TBCK: variants seen among roughly 807,000 people sequenced by gnomAD.
TBCK encodes TBC1 domain containing kinase.
In TBCK, 99 loss-of-function variants were observed where a neutral mutation model predicts 113.4. The ratio of observed to expected loss-of-function variants is 0.87; its 90% confidence interval spans 0.74 to 1.03. The LOEUF (loss-of-function observed/expected upper bound fraction) is 1.03. Ranked by LOEUF, TBCK falls within the 50% of genes least tolerant of loss-of-function variation. The pLI is 0.00. For missense variants in TBCK, 1,045 were observed against 1,061.3 expected, an observed-to-expected ratio of 0.98 and a Z score of 0.21; for synonymous variants, 369 against 370.8, an observed-to-expected ratio of 1.00 and a Z score of 0.05.
intron 3 of TBCK, among the ~76,000 whole-genome samples, chr4:106,289,496 C>T (rs1449791729): frequency 1.3e-5 from 2 of 152,018 alleles, no homozygotes; most frequent in African/African-American, 2.4e-5. Flanking sequence ...ATCAGCCAGG[C>T]GCGGTGGCTC....
rs191306421 is a variant in TBCK, at chr4:106,049,361, A to C, written c.2572-2681T>G. Among the ~76,000 whole-genome samples the C allele has an allele frequency of 3.4e-4, 51 of 152,150 alleles. No homozygotes were observed. The East Asian group carries it at 9.7e-3, about 29-fold the overall frequency. ...AATAAGCCGAGTTTCTGAATTTAAC[A>C]GGGGCTGGGGAGCTGGTTTCTTTCT... On this transcript the variant is annotated intron_variant, in intron 25 of 25. Coordinates refer to ENST00000394708, the MANE Select transcript of TBCK (RefSeq NM_001163435.3).
chr4:106,073,589 C>A (rs1737781398), intron 25 of TBCK, among the ~76,000 whole-genome samples: 1 of 152,160 alleles, frequency 6.6e-6, no homozygotes, highest in Non-Finnish European at 1.5e-5. Context: ...CCACTTGAGG[C>A]AGTTTTTCCA....
intron 24 of TBCK, among the ~76,000 whole-genome samples, chr4:106,114,888 A>G (rs1743309498): frequency 6.6e-6 from 1 of 152,210 alleles, no homozygotes; most frequent in Non-Finnish European, 1.5e-5. Context: ...ATAGAATTTA[A>G]TGCCTCATTC....
At chr4:106,311,471 T>C (rs1417777382) in intron 1 of TBCK, among the ~76,000 whole-genome samples, 1 of 152,052 alleles carries the variant, frequency 6.6e-6, no homozygotes, top group Non-Finnish European at 1.5e-5. Flanking sequence ...TATTCCAGTT[T>C]TCATAAAACT....
intron 19 of TBCK, among the ~76,000 whole-genome samples, chr4:106,217,649 TC>T (rs1757125159): frequency 6.7e-6 from 1 of 150,122 alleles, no homozygotes; most frequent in Non-Finnish European, 1.5e-5. Flanking sequence ...TACCTAGGAA[TC>T]CAACTTACAA....
At chr4:106,283,216 A>G (rs534472869) in intron 3 of TBCK, among the ~76,000 whole-genome samples, 1 of 152,268 alleles carries the variant, frequency 6.6e-6, no homozygotes, top group East Asian at 1.9e-4. Flanking sequence ...CATTTGCCAC[A>G]TATTTACTAA....
intron 24 of TBCK, among the ~76,000 whole-genome samples, 164 bp from the exon 25 acceptor site, chr4:106,095,805 A>T (rs1033262025): frequency 3.3e-5 from 5 of 150,710 alleles, no homozygotes; most frequent in African/African-American, 7.3e-5. Context: ...GAAAAAAAAA[A>T]GTTAAATTTG....
At chr4:106,191,606 T>G (rs1021324363) in intron 22 of TBCK, among the ~76,000 whole-genome samples, 2 of 152,166 alleles carry the variant, frequency 1.3e-5, no homozygotes, top group African/African-American at 4.8e-5. Context: ...GGACCTATCA[T>G]CAATGCATTG....
At position 106,232,989 on chromosome 4, in the gene TBCK, G is replaced by A. The variant is rs1267975131; in HGVS notation, c.1588C>T (p.Arg530Cys). ...SSPEGHAKFRRVLKAWVVSHP... is the reference protein window; with the variant it reads ...SSPEGHAKFRCVLKAWVVSHP... ...GACACTACCCAGGCTTTTAATACAC[G>A]CCTAAATTTTGCATGACCTTCTGGT... The change falls in exon 17 of 26, where the codon CGT becomes TGT. Residue 530 changes from arginine to cysteine, a missense_variant. Physicochemically the swap from Arg to Cys is radical, Grantham distance 180. Coordinates refer to ENST00000394708, the MANE Select transcript of TBCK (RefSeq NM_001163435.3). The A allele has an allele frequency of 3.7e-6, 6 of 1,612,294 alleles. No homozygotes were observed. Among genetic ancestry groups the A allele is most frequent in the Middle Eastern group, 1.7e-4 (1 of 6,056 alleles).
intron 23 of TBCK, among the ~76,000 whole-genome samples, chr4:106,133,841 C>G (rs184784277): frequency 1.4e-4 from 22 of 152,200 alleles, no homozygotes; most frequent in African/African-American, 5.1e-4. Flanking sequence ...GAAACCCCAT[C>G]TCTACCAAAA....
chr4:106,193,592 T>A lies in TBCK; in HGVS notation c.2059+17A>T. On this transcript the variant is annotated intron_variant, in intron 22 of 25. Coordinates refer to ENST00000394708, the MANE Select transcript of TBCK (RefSeq NM_001163435.3). ...AGTCAAATTTCATTTAATGGCTCCA[T>A]TTATTTAGATCTATACCTGGTAAAT... 1 of 1,610,686 alleles carries A rather than the reference T, an allele frequency of 6.2e-7. No individual in the cohort carries two copies. The highest frequency in any genetic ancestry group is 1.7e-4 in the Middle Eastern group (1 of 6,038).
chr4:106,186,511 TG>T (rs1460022107), intron 22 of TBCK, among the ~76,000 whole-genome samples: 2 of 152,222 alleles, frequency 1.3e-5, no homozygotes, highest in African/African-American at 4.8e-5. Flanking sequence ...TTCATATGCT[TG>T]TTGGCCATAC....
chr4:106,111,392 T>C (rs1742839244), intron 24 of TBCK, among the ~76,000 whole-genome samples: 2 of 152,212 alleles, frequency 1.3e-5, no homozygotes, highest in Admixed American at 1.3e-4. Flanking sequence ...CTATAATCAT[T>C]ATTGACTTAA....
chr4:106,112,730 G>A (rs1263277641), intron 24 of TBCK, among the ~76,000 whole-genome samples: 1 of 151,892 alleles, frequency 6.6e-6, no homozygotes, highest in Admixed American at 6.6e-5. Flanking sequence ...ATACATATTT[G>A]AGCCCACAGC....
At chr4:106,229,562 A>G (rs1048459630) in intron 19 of TBCK, among the ~76,000 whole-genome samples, 1 of 151,602 alleles carries the variant, frequency 6.6e-6, no homozygotes, top group Non-Finnish European at 1.5e-5. Flanking sequence ...AAGTGTATAG[A>G]TTTGCTTCTG....
chr4:106,197,034 T>C (rs1223592952), intron 20 of TBCK, among the ~76,000 whole-genome samples: 9 of 152,022 alleles, frequency 5.9e-5, no homozygotes. Context: ...AGACCAAATA[T>C]ATAAAACAAC....
At chr4:106,165,707 A>G (rs1265515836) in intron 23 of TBCK, among the ~76,000 whole-genome samples, 7 of 151,758 alleles carry the variant, frequency 4.6e-5, no homozygotes, top group Non-Finnish European at 5.9e-5. Context: ...TAGACACTGA[A>G]TTAGGAGCTT....
At chr4:106,200,484 G>C (rs1052752768) in intron 20 of TBCK, among the ~76,000 whole-genome samples, 1 of 152,150 alleles carries the variant, frequency 6.6e-6, no homozygotes, top group South Asian at 2.1e-4. Context: ...AGACTGCAAT[G>C]AGCCATAATC....
rs556411051 is a variant in TBCK at position 106,099,999 on chromosome 4, C to T, written c.2412-4358G>A. Reference sequence around the variant, plus strand: ...AATTCCAACCAAACTAAATCATGCACTGTTACCAATATGTTTTCTATCTCC... The same window carrying T: ...AATTCCAACCAAACTAAATCATGCATTGTTACCAATATGTTTTCTATCTCC... On this transcript the variant is annotated intron_variant, in intron 24 of 25. Coordinates refer to ENST00000394708, the MANE Select transcript of TBCK (RefSeq NM_001163435.3). Among the ~76,000 whole-genome samples, 289 of 152,288 alleles carry T rather than the reference C, an allele frequency of 1.9e-3. 1 individual carries two copies. The highest frequency in any genetic ancestry group is 4.1e-3 in the South Asian group (20 of 4,824).
Sources: allele counts gnomAD v4.1 joint callset (sites outside exome capture counted in the v4.1 genomes callset), GRCh38; gene constraint gnomAD v4.1.1; transcripts MANE v1.5; gene names NCBI Gene and HGNC (gene_info 2026-07-23, HGNC 2026-07-21).